Variants in PRKAR1B observed in about 807,000 individuals in gnomAD.
PRKAR1B encodes the protein cAMP-dependent protein kinase type I-beta regulatory subunit.
A neutral mutation model predicts 46.5 loss-of-function variants in PRKAR1B; 22 were observed. That is an observed-to-expected ratio of 0.47 (90% CI 0.34 to 0.68). The LOEUF (loss-of-function observed/expected upper bound fraction) is 0.68, where lower values mean the gene tolerates loss of function less well. Among genes scored for constraint, PRKAR1B ranks in the 30% least tolerant of loss-of-function variants. The probability of loss-of-function intolerance (pLI) is 0.01; values close to 1 mark genes in which losing one functional copy is unlikely to be tolerated. For synonymous variants in PRKAR1B, 259 were observed against 217.7 expected, an observed-to-expected ratio of 1.19 and a Z score of -1.67; for missense variants, 445 against 535.6, an observed-to-expected ratio of 0.83 and a Z score of 1.67.
chr7:683,269 C>T lies in PRKAR1B; in HGVS notation c.178-2543G>A, dbSNP rs80302928. Among the ~76,000 whole-genome samples the T allele has an allele frequency of 8.5e-3, 1,289 of 152,334 alleles. 13 individuals are homozygous for T. The highest frequency in any genetic ancestry group is 0.031 in the Middle Eastern group (9 of 294). ...CGTGAATGCCAAGGCCGGGGTGCCA[C>T]CAGCCCTATGTCTGGGTATCCCCTT... On this transcript the variant is annotated intron_variant, in intron 2 of 10. Coordinates refer to ENST00000537384, the MANE Select transcript of PRKAR1B (RefSeq NM_001164760.2).
chr7:681,285 A>G (rs1217333046), intron 2 of PRKAR1B, among the ~76,000 whole-genome samples: 2 of 150,772 alleles, frequency 1.3e-5, no homozygotes, highest in Non-Finnish European at 3.0e-5. Context: ...GTGGTTCTTT[A>G]TAGCAGTATG....
Position 605,013 on chromosome 7 carries a change from C to T in PRKAR1B, c.549+1180G>A, listed in dbSNP as rs532708761. ...TGTGTGCAGAAAGGCCGTAAAGAGA[C>T]GGTCTCATGAGATGTCATCACCACG... On this transcript the variant is annotated intron_variant, in intron 6 of 10. Coordinates refer to ENST00000537384, the MANE Select transcript of PRKAR1B (RefSeq NM_001164760.2). Among the ~76,000 whole-genome samples, 8 of 152,304 alleles carry T rather than the reference C, an allele frequency of 5.3e-5. No individual in the cohort carries two copies. The South Asian group carries it at 1.2e-3, about 24-fold the overall frequency.
chr7:589,667 G>T (rs145485599), intron 7 of PRKAR1B, among the ~76,000 whole-genome samples: 1 of 152,172 alleles, frequency 6.6e-6, no homozygotes, highest in Admixed American at 6.5e-5. Context: ...ATGGATGCTC[G>T]CACGGCCAGG....
At chr7:643,446 G>A (rs1362356763) in intron 4 of PRKAR1B, among the ~76,000 whole-genome samples, 1 of 151,554 alleles carries the variant, frequency 6.6e-6, no homozygotes, top group Non-Finnish European at 1.5e-5. Context: ...GCTTTGGACA[G>A]GCACAGTGGC....
At chr7:705,542 T>G (rs1050229797) in intron 2 of PRKAR1B, among the ~76,000 whole-genome samples, 9 of 152,044 alleles carry the variant, frequency 5.9e-5, no homozygotes, top group African/African-American at 1.7e-4. Flanking sequence ...AAATATTTAC[T>G]CAAGTGAAAT....
At chr7:673,080 AC>A (rs1786374241) in intron 4 of PRKAR1B, among the ~76,000 whole-genome samples, 2 of 137,442 alleles carry the variant, frequency 1.5e-5, no homozygotes, top group Admixed American at 7.4e-5. Flanking sequence ...AAAAAAAAAC[AC>A]ACACACACAG....
chr7:574,937 G>C (rs1779731862), intron 9 of PRKAR1B, among the ~76,000 whole-genome samples: 1 of 152,266 alleles, frequency 6.6e-6, no homozygotes, highest in Non-Finnish European at 1.5e-5. Flanking sequence ...TGTCACCGCA[G>C]TCGTCCTGCT....
intron 9 of PRKAR1B, among the ~76,000 whole-genome samples, chr7:576,998 A>ACCCAACGCCATCAGCGGCCCCG (rs1779876920): frequency 2.0e-5 from 3 of 148,486 alleles, no homozygotes; most frequent in African/African-American, 7.5e-5. Context: ...CAGCGGCCTC[A>ACCCAACGCCATCAGCGGCCCCG]TCCAACTCCA....
chr7:571,042 C>T (rs778878604), intron 9 of PRKAR1B, among the ~76,000 whole-genome samples: 9 of 152,244 alleles, frequency 5.9e-5, no homozygotes, highest in Non-Finnish European at 1.3e-4. Flanking sequence ...GAGCTGATGC[C>T]TGGGAAACAT....
intron 3 of PRKAR1B, among the ~76,000 whole-genome samples, chr7:678,194 G>A (rs1001417565): frequency 4.6e-5 from 7 of 152,186 alleles, no homozygotes; most frequent in Admixed American, 1.3e-4. Context: ...ACCTGAACCC[G>A]GGAGGTGGAG....
chr7:690,010 G>A (rs1398461351), intron 2 of PRKAR1B, among the ~76,000 whole-genome samples: 1 of 151,478 alleles, frequency 6.6e-6, no homozygotes, highest in Non-Finnish European at 1.5e-5. Context: ...AGCTGAGGGA[G>A]GGAGGCCAGG....
At chr7:726,587 C>A (rs1352578425) in intron 1 of PRKAR1B, 2 of 577,914 alleles carry the variant, frequency 3.5e-6, no homozygotes, top group Non-Finnish European at 5.0e-6. Context: ...GACAAGAGCA[C>A]AGGCCCACGT....
At chr7:632,787 A>G (rs1239969493) in intron 4 of PRKAR1B, among the ~76,000 whole-genome samples, 1 of 152,230 alleles carries the variant, frequency 6.6e-6, no homozygotes, top group African/African-American at 2.4e-5. Flanking sequence ...CTACAGAGCC[A>G]TCAGGAGGAT....
chr7:635,249 G>A (rs561557485), intron 4 of PRKAR1B, among the ~76,000 whole-genome samples: 1 of 152,352 alleles, frequency 6.6e-6, no homozygotes, highest in South Asian at 2.1e-4. Flanking sequence ...GCTGAGCAGG[G>A]GTCCCTGTGG....
intron 4 of PRKAR1B, among the ~76,000 whole-genome samples, chr7:625,776 G>T (rs1473072329): frequency 6.6e-6 from 1 of 152,194 alleles, no homozygotes; most frequent in Non-Finnish European, 1.5e-5. Flanking sequence ...GGAGGCCGAG[G>T]CAGGAGATCA....
Position 711,363 on chromosome 7 carries a change from T to C in PRKAR1B, c.143A>G (p.Lys48Arg), listed in dbSNP as rs1234344329. The change falls in exon 2 of 11, where the codon AAG (lysine) becomes AGG (arginine). Residue 48 changes from lysine to arginine, a missense_variant. This residue lies in a region of PRKAR1B where 155 missense variants were observed against 127.5 expected (regional missense o/e 1.22). Transcript: ENST00000537384. ...CTTCTCGAAGTGCTCCCGGAGGAAC[T>C]TCATGGGGCGTTCGGGCTTGGAGAT... is the stretch of plus-strand genomic sequence containing the variant. Reference protein sequence around the residue: ...LCISKPERPMKFLREHFEKLE... With the variant: ...LCISKPERPMRFLREHFEKLE... The C allele has an allele frequency of 6.2e-7, 1 of 1,614,176 alleles. No homozygotes were observed. The highest frequency in any genetic ancestry group is 1.7e-5 in the Admixed American group (1 of 60,026).
chr7:620,856 T>G (rs548256499), intron 4 of PRKAR1B, among the ~76,000 whole-genome samples: 1 of 152,242 alleles, frequency 6.6e-6, no homozygotes, highest in Non-Finnish European at 1.5e-5. Context: ...CTCATTGTGG[T>G]CCCTCCCTTA....
rs532675115 is a variant in PRKAR1B at position 609,804 on chromosome 7, G to A, written c.441-2352C>T. On this transcript the variant is annotated intron_variant, in intron 4 of 10. Transcript: ENST00000537384. ...TGCCCAGGCTGGAGTATAGGGGTGC[G>A]ATCACAGCTCACCGCAGCCTCCAAC... 7.9e-5 allele frequency among the ~76,000 whole-genome samples: 12 copies of A among 152,118 alleles called. No homozygotes were observed. The South Asian group carries it at 8.3e-4, about 11-fold the overall frequency.
chr7:711,589 A>G, intron 1 of PRKAR1B, 62 bp from the exon 2 acceptor site: 1 of 1,446,866 alleles, frequency 6.9e-7, no homozygotes, highest in Non-Finnish European at 9.5e-7. Flanking sequence ...CGCCGGATAA[A>G]CGCAGGCGGC....
Sources: gnomAD v4.1 joint callset for allele counts (sites outside exome capture counted in the v4.1 genomes callset) on GRCh38, gnomAD v4.1.1 for gene constraint, gnomAD v4.1.1 regional missense constraint, MANE v1.5 for transcripts, NCBI Gene and HGNC (gene_info 2026-07-23, HGNC 2026-07-21) for gene names.